FGFR1: variants seen among roughly 807,000 people sequenced by gnomAD.
FGFR1 encodes the protein FGFR1/PLAG1 fusion.
A neutral mutation model predicts 93.7 loss-of-function variants in FGFR1; 18 were observed. The observed-to-expected ratio is 0.19, with a 90% CI of 0.13 to 0.28. The LOEUF is 0.28. FGFR1 is among the 10% of genes least tolerant of loss of function. The pLI, the probability that FGFR1 is intolerant of heterozygous loss-of-function variation, is 1.00. For missense variants in FGFR1, 731 were observed against 1,080.4 expected, an observed-to-expected ratio of 0.68 and a Z score of 4.53; for synonymous variants, 448 against 429.3, an observed-to-expected ratio of 1.04 and a Z score of -0.54.
In FGFR1 at chr8:38,426,899, G is replaced by A. The variant is rs1275437366; in HGVS notation, c.622-654C>T. Among the ~76,000 whole-genome samples, 12 of 152,154 alleles carry A rather than the reference G, an allele frequency of 7.9e-5. No homozygotes were observed. The highest frequency in any genetic ancestry group is 2.9e-4 in the African/African-American group (12 of 41,436). Reference sequence around the variant, plus strand: ...AGGCCCAGGCGGACAGATCACTTGAGGTCATGAGTTCAAGACCAGCCTGGC... The same window carrying A: ...AGGCCCAGGCGGACAGATCACTTGAAGTCATGAGTTCAAGACCAGCCTGGC... On this transcript the variant is annotated intron_variant, in intron 5 of 17. Transcript: ENST00000447712. The surrounding 1 kb of genome is among the most constrained non-coding windows in gnomAD (Gnocchi z 4.1).
At position 38,418,311 on chromosome 8, in the gene FGFR1, G is replaced by C. The variant is rs1293901531; in HGVS notation, c.1347C>G (p.Leu449=). 3 of 1,614,226 alleles carry C rather than the reference G, an allele frequency of 1.9e-6. No homozygotes were observed. The highest frequency in any genetic ancestry group is 1.7e-6 in the Non-Finnish European group (2 of 1,180,036). The change falls in exon 10 of 18, where the codon CTC becomes CTG. Residue 449 remains leucine (L), a synonymous_variant. Coordinates refer to ENST00000447712, the MANE Select transcript of FGFR1 (RefSeq NM_023110.3). ...CTAGCATGGGAGTCCCACTGGAGGAGAGCCGTGATGGCCGAACCAGAAGAA... is the reference window on the plus strand; with the variant it reads ...CTAGCATGGGAGTCCCACTGGAGGACAGCCGTGATGGCCGAACCAGAAGAA... ...SGVLLVRPSR[L]SSSGTPMLAG...
At chr8:38,460,536 G>C (rs1348613632) in intron 1 of FGFR1, among the ~76,000 whole-genome samples, 1 of 152,136 alleles carries the variant, frequency 6.6e-6, no homozygotes, top group Non-Finnish European at 1.5e-5. Context: ...GTGTGGGCTG[G>C]CTGCAGACCG....
At position 38,412,905 on chromosome 8, in the gene FGFR1, C is replaced by G. The variant is rs17182477; in HGVS notation, c.*723G>C. On this transcript the variant is annotated 3_prime_UTR_variant, in exon 18 of 18. Transcript: ENST00000447712. ...ACTGATGCCTCCCAGCCACCAGGAG[C>G]ATCTTACCCGATGGGTAAATCTCTG... 354 of 233,608 alleles carry G rather than the reference C, an allele frequency of 1.5e-3. No homozygotes were observed. The highest frequency in any genetic ancestry group is 6.8e-3 in the African/African-American group (308 of 45,446). 14.5% of individuals were successfully genotyped at this position (233,608 alleles called of 1,614,324 possible).
intron 2 of FGFR1, among the ~76,000 whole-genome samples, chr8:38,453,980 A>G (rs1831924894): frequency 6.6e-6 from 1 of 152,136 alleles, no homozygotes; most frequent in Non-Finnish European, 1.5e-5. Flanking sequence ...CTCCCACAGT[A>G]CTGGGATTAT....
chr8:38,441,873 G>T (rs1435960716), intron 2 of FGFR1, among the ~76,000 whole-genome samples: 2 of 152,164 alleles, frequency 1.3e-5, no homozygotes, highest in African/African-American at 4.8e-5. Context: ...AATGGAAAGA[G>T]CCATCCCCAA....
At chr8:38,427,562 G>A (rs892947832) in intron 5 of FGFR1, among the ~76,000 whole-genome samples, 5 of 152,190 alleles carry the variant, frequency 3.3e-5, no homozygotes, top group Non-Finnish European at 7.3e-5. Context: ...TTTTAGGCGT[G>A]AGCCACCATG....
At position 38,412,803 on chromosome 8, in the gene FGFR1, A is replaced by G; in HGVS notation, c.*825T>C. On this transcript the variant is annotated 3_prime_UTR_variant, in exon 18 of 18. Coordinates refer to ENST00000447712, the MANE Select transcript of FGFR1 (RefSeq NM_023110.3). The stretch of plus-strand genomic sequence containing the variant: ...AGAACATAATTTAAAAAAATAAAAC[A>G]GCAAAAGTAGCAAAAAATATATGAC... 1 of 233,658 alleles carries G rather than the reference A, an allele frequency of 4.3e-6. No individual in the cohort carries two copies. Among genetic ancestry groups the G allele is most frequent in the Non-Finnish European group, 8.5e-6 (1 of 118,030 alleles). The allele number at this position is 233,658 out of a possible 1,614,324, so 14.5% of individuals were successfully genotyped here.
At chr8:38,453,290 T>C (rs1358086643) in intron 2 of FGFR1, among the ~76,000 whole-genome samples, 1 of 152,218 alleles carries the variant, frequency 6.6e-6, no homozygotes, top group Non-Finnish European at 1.5e-5. Context: ...CTCCTCGCCA[T>C]GTGCCGTCTC....
At chr8:38,414,672 C>A (rs781745049) in intron 14 of FGFR1, 43 bp from the exon 15 acceptor site, 10 of 1,613,482 alleles carry the variant, frequency 6.2e-6, no homozygotes, top group Non-Finnish European at 8.5e-6. Flanking sequence ...CCAGGCAGGG[C>A]CATGAGGGCA....
intron 16 of FGFR1, 59 bp from the exon 17 acceptor site, chr8:38,414,082 C>G (rs772633557): frequency 3.1e-6 from 5 of 1,613,682 alleles, no homozygotes; most frequent in African/African-American, 1.3e-5. Context: ...TCTAGTCTAG[C>G]CCCCTGCCCC....
intron 2 of FGFR1, among the ~76,000 whole-genome samples, chr8:38,448,439 C>G (rs896933368): frequency 2.6e-5 from 4 of 152,190 alleles, no homozygotes; most frequent in African/African-American, 9.6e-5. Context: ...GCCACCACAC[C>G]TGGCCAATTT....
At chr8:38,451,165 G>C (rs1270885889) in intron 2 of FGFR1, among the ~76,000 whole-genome samples, 1 of 152,114 alleles carries the variant, frequency 6.6e-6, no homozygotes, top group South Asian at 2.1e-4. Flanking sequence ...TTCTGGCAGG[G>C]GATGAAGAAA....
intron 2 of FGFR1, among the ~76,000 whole-genome samples, chr8:38,439,889 T>A (rs1407056720): frequency 6.6e-6 from 1 of 152,028 alleles, no homozygotes. Flanking sequence ...GTTGCTGGGG[T>A]GCTGGGCTGA....
chr8:38,457,238 T>C (rs1428759238), intron 2 of FGFR1, 118 bp downstream of exon 2: 3 of 1,157,328 alleles, frequency 2.6e-6, no homozygotes, highest in Non-Finnish European at 3.7e-6. Context: ...AGTTCTTTGC[T>C]CCACTTGGGA....
intron 1 of FGFR1, 33 bp from the exon 2 acceptor site, chr8:38,457,567 AG>A: frequency 6.5e-7 from 1 of 1,547,322 alleles, no homozygotes; most frequent in Non-Finnish European, 8.7e-7. Flanking sequence ...AAAAGTTAGG[AG>A]GGTCTAGGTA....
At chr8:38,443,605 C>A (rs1161632788) in intron 2 of FGFR1, among the ~76,000 whole-genome samples, 1 of 151,790 alleles carries the variant, frequency 6.6e-6, no homozygotes, top group African/African-American at 2.4e-5. Context: ...CCCGGGAGGT[C>A]GAGGCTGCAG....
At chr8:38,464,447 AGGGCTATTAAAT>A (rs1835095983) in intron 1 of FGFR1, among the ~76,000 whole-genome samples, 3 of 151,850 alleles carry the variant, frequency 2.0e-5, no homozygotes, top group Admixed American at 2.0e-4. Flanking sequence ...CATCCATGTG[AGGGCTATTAAAT>A]GGGGGAGAGG....
At chr8:38,460,668 A>G (rs1478324975) in intron 1 of FGFR1, among the ~76,000 whole-genome samples, 1 of 152,138 alleles carries the variant, frequency 6.6e-6, no homozygotes, top group Non-Finnish European at 1.5e-5. Flanking sequence ...CAAGTTTGAC[A>G]TCTGTAAAAC....
At chr8:38,458,287 T>C (rs1205596324) in intron 1 of FGFR1, among the ~76,000 whole-genome samples, 2 of 152,100 alleles carry the variant, frequency 1.3e-5, no homozygotes, top group African/African-American at 2.4e-5. Context: ...ACACCTGCAA[T>C]CCCAGCACTT....
Sources: gnomAD v4.1 joint callset for allele counts (sites outside exome capture counted in the v4.1 genomes callset) on GRCh38, gnomAD v4.1.1 for gene constraint, Gnocchi (gnomAD v3.1) non-coding constraint, MANE v1.5 for transcripts, NCBI Gene and HGNC (gene_info 2026-07-23, HGNC 2026-07-21) for gene names.